CHCHD6: variants seen among roughly 807,000 people sequenced by gnomAD.
The protein encoded by CHCHD6 is MICOS complex subunit MIC25.
CHCHD6 carries 28 observed loss-of-function variants against 32.3 expected under a neutral mutation model. That is an observed-to-expected ratio of 0.87 (90% confidence interval 0.64 to 1.19). The LOEUF (loss-of-function observed/expected upper bound fraction) is 1.19. Ranked by LOEUF, CHCHD6 falls within the 50% of genes most tolerant of loss-of-function variation. The pLI is 0.00. For missense variants in CHCHD6, 333 were observed against 307.0 expected (o/e 1.08, Z -0.63); for synonymous variants, 122 against 117.5 (o/e 1.04, Z -0.25).
At chr3:126,860,456 A>G (rs369173045) in intron 5 of CHCHD6, among the ~76,000 whole-genome samples, 4,254 of 123,880 alleles carry the variant, frequency 0.034, 90 homozygotes, top group Middle Eastern at 0.075. Flanking sequence ...GGGGTTGGGG[A>G]AAGGGGGGAG....
chr3:126,739,572 A>G (rs1021160443), intron 4 of CHCHD6, among the ~76,000 whole-genome samples: 1 of 152,146 alleles, frequency 6.6e-6, no homozygotes, highest in African/African-American at 2.4e-5. Flanking sequence ...CTTAGTGGCT[A>G]TTATTTCTTG....
chr3:126,959,841 A>G (rs1230515945), intron 7 of CHCHD6, among the ~76,000 whole-genome samples: 1 of 152,222 alleles, frequency 6.6e-6, no homozygotes, highest in Non-Finnish European at 1.5e-5. Flanking sequence ...GAGGCAGAGC[A>G]GAGTTGGGTT....
At chr3:126,710,164 A>G (rs1402894801) in intron 1 of CHCHD6, among the ~76,000 whole-genome samples, 1 of 152,250 alleles carries the variant, frequency 6.6e-6, no homozygotes, top group African/African-American at 2.4e-5. Flanking sequence ...TGTTTGCTTC[A>G]TGAGATCTTA....
intron 4 of CHCHD6, among the ~76,000 whole-genome samples, chr3:126,773,024 T>TG (rs1318313666): frequency 1.3e-5 from 2 of 148,188 alleles, no homozygotes; most frequent in African/African-American, 4.9e-5. Flanking sequence ...TTGGTTAGAC[T>TG]TTTTTTTTTT....
intron 6 of CHCHD6, among the ~76,000 whole-genome samples, chr3:126,952,585 T>C (rs1473611122): frequency 1.3e-5 from 2 of 152,024 alleles, no homozygotes; most frequent in African/African-American, 4.8e-5. Flanking sequence ...GCAGTGAGGC[T>C]CGGCATGGGG....
At position 126,942,516 on chromosome 3, in the gene CHCHD6, CAT is replaced by C. The variant is rs200453110; in HGVS notation, c.567-14897_567-14896del. 5.8e-3 allele frequency among the ~76,000 whole-genome samples: 876 copies of C among 152,276 alleles called. 6 individuals are homozygous for C. The highest frequency in any genetic ancestry group is 7.1e-3 in the Non-Finnish European group (484 of 68,016). ...TTATGTTAGTAAGGAGTCAAGGACT[CAT>C]ATTTATTCATTGGGCTATAATCTAT... On this transcript the variant is annotated intron_variant, in intron 6 of 7. Coordinates refer to ENST00000290913, the MANE Select transcript of CHCHD6 (RefSeq NM_032343.3).
rs1463030784 is a variant in CHCHD6 at position 126,704,355 on chromosome 3, G to A, written c.43G>A (p.Gly15Arg). 1 of 1,594,418 alleles carries A rather than the reference G, an allele frequency of 6.3e-7. No homozygotes were observed. Among genetic ancestry groups the A allele is most frequent in the Non-Finnish European group, 8.5e-7 (1 of 1,171,898 alleles). Reference sequence around the variant, plus strand: ...CAGCGAGGGCCGCAGGGTGTCCTTCGGAGTGGACGAGGAGGAGCGGGTCCG... The same window carrying A: ...CAGCGAGGGCCGCAGGGTGTCCTTCAGAGTGGACGAGGAGGAGCGGGTCCG... ...ESSEGRRVSF[G>R]VDEEERVRVL... Residue 15 changes from glycine to arginine, a missense_variant, in exon 1 of 8, where the codon GGA becomes AGA. Gly to Arg is a moderately radical substitution (Grantham distance 125). Coordinates refer to ENST00000290913, the MANE Select transcript of CHCHD6 (RefSeq NM_032343.3).
At chr3:126,735,437 C>G (rs1431917397) in intron 4 of CHCHD6, among the ~76,000 whole-genome samples, 1 of 152,210 alleles carries the variant, frequency 6.6e-6, no homozygotes, top group African/African-American at 2.4e-5. Flanking sequence ...CATTTAACTA[C>G]TTTCATGGGC....
intron 4 of CHCHD6, among the ~76,000 whole-genome samples, chr3:126,807,699 A>G (rs1939463035): frequency 6.6e-6 from 1 of 152,242 alleles, no homozygotes. Context: ...AAATAGACCT[A>G]TACCAGGATA....
At chr3:126,904,907 G>A (rs750737047) in intron 5 of CHCHD6, among the ~76,000 whole-genome samples, 5 of 152,214 alleles carry the variant, frequency 3.3e-5, no homozygotes, top group Non-Finnish European at 5.9e-5. Flanking sequence ...GTGTCTAGAA[G>A]GGGAAGGGTG....
chr3:126,815,197 C>G (rs1361284574), intron 4 of CHCHD6, among the ~76,000 whole-genome samples: 1 of 152,116 alleles, frequency 6.6e-6, no homozygotes, highest in Admixed American at 6.5e-5. Flanking sequence ...ATCCTAAGCC[C>G]TTTTATTCCA....
intron 4 of CHCHD6, among the ~76,000 whole-genome samples, chr3:126,838,493 C>A (rs1940950763): frequency 6.6e-6 from 1 of 152,220 alleles, no homozygotes; most frequent in Non-Finnish European, 1.5e-5. Flanking sequence ...CTCAGCAGGA[C>A]CCATTTGATG....
chr3:126,805,256 A>G (rs1257911315), intron 4 of CHCHD6, among the ~76,000 whole-genome samples: 1 of 152,232 alleles, frequency 6.6e-6, no homozygotes, highest in Admixed American at 6.5e-5. Context: ...AGAGGAAGTC[A>G]AACTGTCCCT....
chr3:126,908,404 G>T (rs183183677), intron 5 of CHCHD6, among the ~76,000 whole-genome samples: 1 of 152,326 alleles, frequency 6.6e-6, no homozygotes, highest in Non-Finnish European at 1.5e-5. Flanking sequence ...GGCACAGAGT[G>T]GGAATAGTGG....
intron 6 of CHCHD6, among the ~76,000 whole-genome samples, chr3:126,936,121 T>G (rs1162814898): frequency 1.3e-5 from 2 of 152,218 alleles, no homozygotes; most frequent in East Asian, 3.8e-4. Context: ...TGCTGTGAAA[T>G]TCCCACAACC....
At position 126,938,673 on chromosome 3, in the gene CHCHD6, G is replaced by A. The variant is rs376744801; in HGVS notation, c.567-18743G>A. Among the ~76,000 whole-genome samples, 37 of 152,050 alleles carry A rather than the reference G, an allele frequency of 2.4e-4. No homozygotes were observed. In the East Asian group the frequency reaches 4.5e-3, roughly 18 times the overall value. On this transcript the variant is annotated intron_variant, in intron 6 of 7. Transcript: ENST00000290913. ...CTATAAGATGTTCCTGTGCTTACTC[G>A]AGAGAACACACTTTCTCCTGGGTCT... is the stretch of plus-strand genomic sequence containing the variant.
At chr3:126,734,163 C>T (rs1935938938) in intron 4 of CHCHD6, among the ~76,000 whole-genome samples, 1 of 152,212 alleles carries the variant, frequency 6.6e-6, no homozygotes, top group Non-Finnish European at 1.5e-5. Context: ...GTGCCCATGG[C>T]TAAGCCAGTC....
intron 5 of CHCHD6, among the ~76,000 whole-genome samples, chr3:126,885,974 C>T (rs571583041): frequency 2.8e-4 from 42 of 152,198 alleles, no homozygotes; most frequent in African/African-American, 7.2e-4. Context: ...AACTCTGAGC[C>T]GGAACGGGCA....
chr3:126,768,899 A>G (rs1373373427), intron 4 of CHCHD6, among the ~76,000 whole-genome samples: 3 of 152,074 alleles, frequency 2.0e-5, no homozygotes, highest in African/African-American at 7.2e-5. Context: ...TTTTTTGCTT[A>G]TTAATTTGCT....
Sources: allele counts gnomAD v4.1 joint callset (sites outside exome capture counted in the v4.1 genomes callset), GRCh38; gene constraint gnomAD v4.1.1; transcripts MANE v1.5; gene names NCBI Gene and HGNC (gene_info 2026-07-23, HGNC 2026-07-21).